SDHAF3: variants seen among roughly 807,000 people sequenced by gnomAD.
SDHAF3 encodes the protein succinate dehydrogenase assembly factor 3, mitochondrial.
SDHAF3 carries 18 observed loss-of-function variants against 11.5 expected under a neutral mutation model. The observed-to-expected ratio is 1.56, with a 90% CI of 1.08 to 2.32. SDHAF3 has a LOEUF of 2.32. SDHAF3 is among the 30% of genes most tolerant of loss of function. The pLI is 0.00. For missense variants in SDHAF3, 200 were observed against 154.4 expected (o/e 1.30, Z -1.57); for synonymous variants, 72 against 59.3 (o/e 1.21, Z -0.99).
chr7:97,162,329 C>T (rs1789426979), intron 1 of SDHAF3, among the ~76,000 whole-genome samples: 1 of 152,054 alleles, frequency 6.6e-6, no homozygotes, highest in South Asian at 2.1e-4. Context: ...GGATATTAGC[C>T]AGCTCCTGGC....
intron 1 of SDHAF3, among the ~76,000 whole-genome samples, chr7:97,130,770 G>A (rs1791657591): frequency 6.6e-6 from 1 of 152,226 alleles, no homozygotes; most frequent in Admixed American, 6.5e-5. Flanking sequence ...CTCCACACAA[G>A]AGGGGACCTG....
chr7:97,148,863 A>G (rs954139409), intron 1 of SDHAF3, among the ~76,000 whole-genome samples: 2 of 151,978 alleles, frequency 1.3e-5, no homozygotes, highest in East Asian at 1.9e-4. Flanking sequence ...ATCTGTAGCT[A>G]TACCTATTGT....
intron 1 of SDHAF3, among the ~76,000 whole-genome samples, chr7:97,157,319 C>T (rs558154377): frequency 6.6e-6 from 1 of 152,126 alleles, no homozygotes; most frequent in Admixed American, 6.6e-5. Flanking sequence ...CCTTCTATTT[C>T]CTGACAAACA....
chr7:97,138,224 A>G (rs1788962188), intron 1 of SDHAF3, among the ~76,000 whole-genome samples: 1 of 151,056 alleles, frequency 6.6e-6, no homozygotes, highest in Non-Finnish European at 1.5e-5. Flanking sequence ...CAGTGGCACA[A>G]TCTCAGCTCA....
intron 1 of SDHAF3, among the ~76,000 whole-genome samples, chr7:97,133,154 G>A (rs1019434248): frequency 7.9e-5 from 12 of 152,076 alleles, no homozygotes; most frequent in African/African-American, 2.7e-4. Context: ...AAGAAACACC[G>A]AGTGGGATCT....
intron 1 of SDHAF3, among the ~76,000 whole-genome samples, chr7:97,175,750 C>G (rs1789669576): frequency 6.6e-6 from 1 of 152,178 alleles, no homozygotes; most frequent in African/African-American, 2.4e-5. Flanking sequence ...TTTTCAAAAA[C>G]TCTAGTGGGA....
intron 1 of SDHAF3, among the ~76,000 whole-genome samples, chr7:97,154,112 G>T (rs1223060626): frequency 6.6e-6 from 1 of 151,848 alleles, no homozygotes; most frequent in Non-Finnish European, 1.5e-5. Flanking sequence ...GCAGGCAGGG[G>T]GTGGATCTCA....
intron 1 of SDHAF3, among the ~76,000 whole-genome samples, chr7:97,177,876 A>C (rs368562028): frequency 4.6e-5 from 7 of 152,156 alleles, no homozygotes; most frequent in African/African-American, 1.4e-4. Context: ...TTTAAAATCT[A>C]TCTCTGCTTA....
chr7:97,144,154 TAC>T (rs1450588433), intron 1 of SDHAF3, among the ~76,000 whole-genome samples: 6 of 152,086 alleles, frequency 3.9e-5, no homozygotes, highest in African/African-American at 1.4e-4. Context: ...ATTGTCTACT[TAC>T]ATTCTTTACT....
At position 97,134,368 on chromosome 7, in the gene SDHAF3, A is replaced by G. The variant is rs577526334; in HGVS notation, c.174+16471A>G. Reference sequence around the variant, plus strand: ...TCTGGATTACTGGTGAATAACCAGAATGAACACCACTTTAAAAGAAAAATG... The same window carrying G: ...TCTGGATTACTGGTGAATAACCAGAGTGAACACCACTTTAAAAGAAAAATG... On this transcript the variant is annotated intron_variant, in intron 1 of 1. Coordinates refer to ENST00000432641, the MANE Select transcript of SDHAF3 (RefSeq NM_020186.3). 3.9e-5 allele frequency among the ~76,000 whole-genome samples: 6 copies of G among 152,388 alleles called. No homozygotes were observed. The East Asian group carries it at 1.2e-3, about 29-fold the overall frequency.
rs560322643 is a variant in SDHAF3, at chr7:97,125,471, A to G, written c.174+7574A>G. On this transcript the variant is annotated intron_variant, in intron 1 of 1. Coordinates refer to ENST00000432641, the MANE Select transcript of SDHAF3 (RefSeq NM_020186.3). ...AAAGAAACCACTTTCAGGAACCTCA[A>G]TCAATCGTAGGCTTGGTCTTTTCAC... Among the ~76,000 whole-genome samples, 10 of 121,420 alleles carry G rather than the reference A, an allele frequency of 8.2e-5. No homozygotes were observed. In the East Asian group the frequency reaches 8.9e-4, roughly 11 times the overall value. The allele number at this position is 121,420 out of a possible 152,430, so 79.7% of individuals were successfully genotyped here.
chr7:97,149,727 G>A (rs552911022), intron 1 of SDHAF3, among the ~76,000 whole-genome samples: 3 of 152,252 alleles, frequency 2.0e-5, no homozygotes, highest in East Asian at 1.9e-4. Context: ...CAATGTTGAC[G>A]GCTGCTGAAT....
rs555061954 is a variant in SDHAF3, at chr7:97,141,916, A to G, written c.174+24019A>G. On this transcript the variant is annotated intron_variant, in intron 1 of 1. Coordinates refer to ENST00000432641, the MANE Select transcript of SDHAF3 (RefSeq NM_020186.3). ...ATTAATGGGACAGTAGTATGTTTTA[A>G]TAGATGTTCAGTAAGTCTTTTTCTC... 2.7e-4 allele frequency among the ~76,000 whole-genome samples: 41 copies of G among 152,256 alleles called. No homozygotes were observed. In the South Asian group the frequency reaches 8.5e-3, roughly 32 times the overall value.
At chr7:97,171,049 A>G (rs941671923) in intron 1 of SDHAF3, among the ~76,000 whole-genome samples, 19 of 152,126 alleles carry the variant, frequency 1.2e-4, no homozygotes, top group Non-Finnish European at 5.9e-5. Flanking sequence ...ACTTGGGCAG[A>G]TGTGCTTCAA....
chr7:97,162,620 T>C (rs1199969438), intron 1 of SDHAF3, among the ~76,000 whole-genome samples: 5 of 152,230 alleles, frequency 3.3e-5, no homozygotes, highest in African/African-American at 1.2e-4. Context: ...GAAGAACATA[T>C]TTATTTCTGG....
At chr7:97,156,858 C>A (rs1383879310) in intron 1 of SDHAF3, among the ~76,000 whole-genome samples, 1 of 152,180 alleles carries the variant, frequency 6.6e-6, no homozygotes, top group South Asian at 2.1e-4. Flanking sequence ...TTCTGGGGTA[C>A]ATGCGCACAA....
At chr7:97,147,668 T>A (rs1047107595) in intron 1 of SDHAF3, among the ~76,000 whole-genome samples, 4 of 152,184 alleles carry the variant, frequency 2.6e-5, no homozygotes, top group African/African-American at 9.7e-5. Flanking sequence ...TATATTACTC[T>A]TACTGTATAA....
At chr7:97,132,647 CTA>C (rs1053329833) in intron 1 of SDHAF3, among the ~76,000 whole-genome samples, 9 of 151,978 alleles carry the variant, frequency 5.9e-5, no homozygotes, top group Non-Finnish European at 1.3e-4. Context: ...CCTTTTTCCC[CTA>C]TGTTTTATAG....
intron 1 of SDHAF3, among the ~76,000 whole-genome samples, chr7:97,120,532 G>A (rs1461429675): frequency 1.3e-5 from 2 of 151,520 alleles, no homozygotes; most frequent in African/African-American, 4.9e-5. Context: ...TTATGATTAT[G>A]TTATACTAGA....
Sources: gnomAD v4.1 joint callset for allele counts (sites outside exome capture counted in the v4.1 genomes callset) on GRCh38, gnomAD v4.1.1 for gene constraint, MANE v1.5 for transcripts, NCBI Gene and HGNC (gene_info 2026-07-23, HGNC 2026-07-21) for gene names.